The following METTL15 variants were observed in gnomAD, a reference collection of about 807,000 sequenced individuals.
METTL15 encodes the protein methyltransferase 15, mitochondrial 12S rRNA N4-cytidine.
A neutral mutation model predicts 38.3 loss-of-function variants in METTL15; 34 were observed. The ratio of observed to expected loss-of-function variants is 0.89; its 90% confidence interval spans 0.68 to 1.18. METTL15 has a LOEUF of 1.18. Ranked by LOEUF, METTL15 falls within the 50% of genes most tolerant of loss-of-function variation. The probability of loss-of-function intolerance (pLI) is 0.00; values close to 1 mark genes in which losing one functional copy is unlikely to be tolerated. For missense variants in METTL15, 438 were observed against 498.4 expected, an observed-to-expected ratio of 0.88 and a Z score of 1.15; for synonymous variants, 162 against 170.9, an observed-to-expected ratio of 0.95 and a Z score of 0.41.
intron 4 of METTL15, among the ~76,000 whole-genome samples, chr11:28,237,710 G>T (rs1004974378): frequency 2.0e-5 from 3 of 152,158 alleles, no homozygotes; most frequent in African/African-American, 4.8e-5. Flanking sequence ...TTTCTGCTCT[G>T]TTTTTTCCCC....
At chr11:28,376,357 G>T (rs1258824547) in intron 5 of METTL15, among the ~76,000 whole-genome samples, 5 of 152,004 alleles carry the variant, frequency 3.3e-5, no homozygotes, top group African/African-American at 1.2e-4. Context: ...TCCTGTATTG[G>T]GTGCATATAT....
intron 6 of METTL15, among the ~76,000 whole-genome samples, chr11:28,514,221 G>T (rs576401391): frequency 1.2e-4 from 18 of 152,160 alleles, no homozygotes; most frequent in Non-Finnish European, 2.6e-4. Context: ...AGAAACCATA[G>T]GTCTAAGCCA....
chr11:28,266,634 T>C (rs1287228255), intron 4 of METTL15, among the ~76,000 whole-genome samples: 1 of 152,170 alleles, frequency 6.6e-6, no homozygotes, highest in Non-Finnish European at 1.5e-5. Context: ...AGAAATCTTA[T>C]TGCCTCTAAC....
chr11:28,378,411 C>T (rs967240098), intron 5 of METTL15, among the ~76,000 whole-genome samples: 4 of 152,176 alleles, frequency 2.6e-5, no homozygotes, highest in Admixed American at 6.5e-5. Flanking sequence ...GGGAGTGAAC[C>T]GATTTTCCAG....
intron 6 of METTL15, among the ~76,000 whole-genome samples, chr11:28,515,167 A>T (rs926920606): frequency 1.3e-5 from 2 of 152,204 alleles, no homozygotes; most frequent in African/African-American, 4.8e-5. Flanking sequence ...AGAATAAATG[A>T]TTCTAGGAGC....
intron 6 of METTL15, among the ~76,000 whole-genome samples, chr11:28,473,959 T>C (rs1257808570): frequency 2.6e-5 from 4 of 151,960 alleles, no homozygotes; most frequent in South Asian, 2.1e-4. Context: ...CAGGGCAGAA[T>C]TGATATTTCC....
In METTL15 at chr11:28,333,107, T is replaced by C. The variant is rs1426596931; in HGVS notation, c.*2266T>C. On this transcript the variant is annotated 3_prime_UTR_variant, in exon 7 of 7. Transcript: ENST00000407364. ...CCAGTAGTTGCCAACCCTGCTAACATGGTTTTGCACATCTAGCATCCAGAA... is the reference window on the plus strand; with the variant it reads ...CCAGTAGTTGCCAACCCTGCTAACACGGTTTTGCACATCTAGCATCCAGAA... The C allele has an allele frequency of 6.6e-6, 1 of 151,356 alleles. No individual in the cohort carries two copies. The highest frequency in any genetic ancestry group is 1.5e-5 in the Non-Finnish European group (1 of 67,924). 9.4% of individuals were successfully genotyped at this position (151,356 alleles called of 1,614,324 possible).
chr11:28,397,496 C>G (rs918508772), intron 5 of METTL15, among the ~76,000 whole-genome samples: 6 of 152,134 alleles, frequency 3.9e-5, no homozygotes, highest in African/African-American at 1.2e-4. Flanking sequence ...AAATGCTCAT[C>G]ATCACTGGCC....
At chr11:28,462,349 A>G (rs1216671104) in intron 6 of METTL15, among the ~76,000 whole-genome samples, 1 of 151,988 alleles carries the variant, frequency 6.6e-6, no homozygotes, top group Non-Finnish European at 1.5e-5. Context: ...AGGAGGTGTG[A>G]GTAAAAGAGG....
rs1172035996 is a variant in METTL15, at chr11:28,290,278, A to G, written c.480A>G (p.Pro160=). The change falls in exon 5 of 7, where the codon CCA becomes CCG. Residue 160 remains proline, a synonymous_variant. Coordinates refer to ENST00000407364, the MANE Select transcript of METTL15 (RefSeq NM_001113528.2). The part of the protein sequence containing the change: ...EALLMKAGVQ[P]GTFDGVLMDL... ...TATTAATGAAAGCTGGAGTGCAGCCAGGAACTTTTGATGGAGTTCTTATGG... is the reference window on the plus strand; with the variant it reads ...TATTAATGAAAGCTGGAGTGCAGCCGGGAACTTTTGATGGAGTTCTTATGG... 1 of 1,613,372 alleles carries G rather than the reference A, an allele frequency of 6.2e-7. No homozygotes were observed. The highest frequency in any genetic ancestry group is 1.3e-5 in the African/African-American group (1 of 74,886).
At chr11:28,436,043 AC>A (rs1387111284) in intron 6 of METTL15, among the ~76,000 whole-genome samples, 1 of 144,004 alleles carries the variant, frequency 6.9e-6, no homozygotes, top group Non-Finnish European at 1.5e-5. Flanking sequence ...TGTATCAAAT[AC>A]AGTCAATAAG....
intron 6 of METTL15, among the ~76,000 whole-genome samples, chr11:28,318,808 T>C (rs1253734855): frequency 6.6e-6 from 1 of 152,170 alleles, no homozygotes; most frequent in East Asian, 1.9e-4. Flanking sequence ...ATATACTGCA[T>C]TGGATGAGTC....
intron 5 of METTL15, among the ~76,000 whole-genome samples, chr11:28,375,989 C>A (rs937462928): frequency 6.6e-6 from 1 of 152,108 alleles, no homozygotes; most frequent in Non-Finnish European, 1.5e-5. Flanking sequence ...GAGTAAGATT[C>A]TTAATCCTAA....
chr11:28,249,701 C>G (rs1176520910), intron 4 of METTL15, among the ~76,000 whole-genome samples: 1 of 151,704 alleles, frequency 6.6e-6, no homozygotes, highest in Non-Finnish European at 1.5e-5. Context: ...TGATCTTGTA[C>G]TAATTTGCTA....
chr11:28,470,845 G>A (rs77247200), intron 6 of METTL15, among the ~76,000 whole-genome samples: 5,821 of 152,016 alleles, frequency 0.038, 371 homozygotes, highest in African/African-American at 0.13. Flanking sequence ...TATAATGCAG[G>A]GCTGATGTGA....
At chr11:28,475,208 C>T (rs1851335380) in intron 6 of METTL15, among the ~76,000 whole-genome samples, 1 of 152,168 alleles carries the variant, frequency 6.6e-6, no homozygotes, top group Non-Finnish European at 1.5e-5. Flanking sequence ...CTGAGTTTCT[C>T]ACAGTGAGTG....
chr11:28,275,035 A>G (rs951816451), intron 4 of METTL15, among the ~76,000 whole-genome samples: 2 of 151,736 alleles, frequency 1.3e-5, no homozygotes, highest in Non-Finnish European at 2.9e-5. Context: ...TTACAAACTG[A>G]CAATCTAGTA....
chr11:28,207,423 A>G (rs12556228), intron 3 of METTL15, among the ~76,000 whole-genome samples: 14 of 152,096 alleles, frequency 9.2e-5, no homozygotes, highest in South Asian at 8.3e-4. Flanking sequence ...ATTGATTTGC[A>G]TATGTTGAAC....
intron 6 of METTL15, among the ~76,000 whole-genome samples, chr11:28,497,601 C>G (rs1851546345): frequency 6.6e-6 from 1 of 152,164 alleles, no homozygotes; most frequent in Non-Finnish European, 1.5e-5. Flanking sequence ...ATTTATTTCT[C>G]ACAATTCTAG....
Sources: gnomAD v4.1 joint callset for allele counts (sites outside exome capture counted in the v4.1 genomes callset) on GRCh38, gnomAD v4.1.1 for gene constraint, MANE v1.5 for transcripts, NCBI Gene and HGNC (gene_info 2026-07-23, HGNC 2026-07-21) for gene names.